MARCHF1: variants seen among roughly 807,000 people sequenced by gnomAD.
MARCHF1 encodes E3 ubiquitin-protein ligase MARCHF1.
A neutral mutation model predicts 54.2 loss-of-function variants in MARCHF1; 40 were observed. That is an observed-to-expected ratio of 0.74 (90% CI 0.57 to 0.96). MARCHF1 has a LOEUF of 0.96. Ranked by LOEUF, MARCHF1 falls within the 40% of genes least tolerant of loss-of-function variation. MARCHF1 has a pLI of 0.00. For missense variants in MARCHF1, 586 were observed against 656.5 expected, an observed-to-expected ratio of 0.89 and a Z score of 1.17; for synonymous variants, 236 against 236.3, an observed-to-expected ratio of 1.00 and a Z score of 0.01.
chr4:163,995,801 T>C (rs1027217673), intron 2 of MARCHF1, among the ~76,000 whole-genome samples: 2 of 152,054 alleles, frequency 1.3e-5, no homozygotes, highest in African/African-American at 2.4e-5. Context: ...TGAAGGCTAG[T>C]AGATGGCAGA....
At chr4:163,582,841 T>A (rs1346905004) in intron 8 of MARCHF1, among the ~76,000 whole-genome samples, 1 of 152,092 alleles carries the variant, frequency 6.6e-6, no homozygotes, top group Non-Finnish European at 1.5e-5. Flanking sequence ...ATGCCTCATA[T>A]CTGTATAGTT....
intron 7 of MARCHF1, among the ~76,000 whole-genome samples, chr4:163,609,689 T>TA (rs1741267625): frequency 6.8e-6 from 1 of 146,066 alleles, no homozygotes. Context: ...TATATATATA[T>TA]TTTTTTGCCC....
At chr4:163,618,569 T>G (rs1189808051) in intron 5 of MARCHF1, among the ~76,000 whole-genome samples, 1 of 152,156 alleles carries the variant, frequency 6.6e-6, no homozygotes, top group African/African-American at 2.4e-5. Context: ...CTTTATGGGA[T>G]CACTTCCTAG....
chr4:164,115,375 G>A (rs1755918968), intron 1 of MARCHF1, among the ~76,000 whole-genome samples: 1 of 152,010 alleles, frequency 6.6e-6, no homozygotes, highest in Admixed American at 6.6e-5. Context: ...TGAAGATATG[G>A]CATGTTGTTG....
chr4:164,007,064 C>T (rs374679071), intron 2 of MARCHF1, among the ~76,000 whole-genome samples: 9 of 132,038 alleles, frequency 6.8e-5, no homozygotes, highest in African/African-American at 2.0e-4. Context: ...TTTGGCAGGG[C>T]GTGGTGGCTC....
At chr4:163,568,280 A>G (rs1739716952) in intron 8 of MARCHF1, among the ~76,000 whole-genome samples, 2 of 152,126 alleles carry the variant, frequency 1.3e-5, no homozygotes, top group Admixed American at 6.6e-5. Flanking sequence ...CTTTCAAGGG[A>G]TCCATGCAGT....
chr4:163,992,141 G>A (rs540757527), intron 2 of MARCHF1, among the ~76,000 whole-genome samples: 1 of 149,896 alleles, frequency 6.7e-6, no homozygotes, highest in Non-Finnish European at 1.5e-5. Flanking sequence ...GAAACCCAGT[G>A]TTGGGCCAAG....
At chr4:163,997,453 G>C (rs1753099237) in intron 2 of MARCHF1, among the ~76,000 whole-genome samples, 1 of 151,892 alleles carries the variant, frequency 6.6e-6, no homozygotes, top group Non-Finnish European at 1.5e-5. Flanking sequence ...AAATAAACAA[G>C]GGCTACTCTC....
intron 2 of MARCHF1, among the ~76,000 whole-genome samples, chr4:164,089,309 A>T (rs1364368231): frequency 2.0e-5 from 3 of 152,240 alleles, no homozygotes; most frequent in African/African-American, 7.2e-5. Flanking sequence ...TATAAATTGG[A>T]TTTGTCTTCA....
At chr4:164,364,228 C>T (rs1730810740) in intron 1 of MARCHF1, among the ~76,000 whole-genome samples, 1 of 151,922 alleles carries the variant, frequency 6.6e-6, no homozygotes, top group Admixed American at 6.6e-5. Flanking sequence ...TGCATTAGAC[C>T]ATTTCATTTG....
At chr4:163,850,374 C>T (rs1393646738) in intron 4 of MARCHF1, among the ~76,000 whole-genome samples, 1 of 152,186 alleles carries the variant, frequency 6.6e-6, no homozygotes, top group South Asian at 2.1e-4. Context: ...ACAATTCCAG[C>T]CTCCTCCCTC....
At chr4:163,712,785 T>C (rs943617293) in intron 4 of MARCHF1, among the ~76,000 whole-genome samples, 3 of 152,216 alleles carry the variant, frequency 2.0e-5, no homozygotes, top group African/African-American at 4.8e-5. Flanking sequence ...ACTGCCTGTG[T>C]TTCAGGTTTT....
In MARCHF1 at chr4:164,378,902, G is replaced by A. The variant is rs552600777; in HGVS notation, c.-323+4968C>T. Among the ~76,000 whole-genome samples, 10 of 151,950 alleles carry A rather than the reference G, an allele frequency of 6.6e-5. No homozygotes were observed. The South Asian group carries it at 1.0e-3, about 16-fold the overall frequency. On this transcript the variant is annotated intron_variant, in intron 1 of 9. Coordinates refer to ENST00000514618, the MANE Select transcript of MARCHF1 (RefSeq NM_001394959.1). ...AATTTTTTGTATTTTTAGTAGAGATGGGGTTTCACCATGTTGGCCAGGCTG... is the reference window on the plus strand; with the variant it reads ...AATTTTTTGTATTTTTAGTAGAGATAGGGTTTCACCATGTTGGCCAGGCTG...
intron 3 of MARCHF1, among the ~76,000 whole-genome samples, chr4:163,872,931 C>T (rs1204459584): frequency 6.6e-6 from 1 of 152,016 alleles, no homozygotes; most frequent in Non-Finnish European, 1.5e-5. Context: ...GTAGTCCCAG[C>T]TACTCGGGAG....
At chr4:163,906,207 A>G (rs1322365480) in intron 3 of MARCHF1, among the ~76,000 whole-genome samples, 2 of 151,988 alleles carry the variant, frequency 1.3e-5, no homozygotes, top group East Asian at 1.9e-4. Context: ...TTTCTTGTTG[A>G]TTACTGGCTT....
chr4:164,342,158 A>AT (rs990356393), intron 1 of MARCHF1, among the ~76,000 whole-genome samples: 1 of 152,200 alleles, frequency 6.6e-6, no homozygotes, highest in Non-Finnish European at 1.5e-5. Flanking sequence ...GAGAATAAAC[A>AT]TTTTCCCAAA....
chr4:164,380,970 G>A (rs7655120), intron 1 of MARCHF1, among the ~76,000 whole-genome samples: 81,452 of 151,586 alleles, frequency 0.54, 22,413 homozygotes, highest in East Asian at 0.65. Flanking sequence ...AGGACGTTTC[G>A]CTCTATCATA....
At chr4:163,690,726 C>T (rs1356745052) in intron 5 of MARCHF1, among the ~76,000 whole-genome samples, 1 of 152,160 alleles carries the variant, frequency 6.6e-6, no homozygotes, top group Non-Finnish European at 1.5e-5. Context: ...TGCCAGAATA[C>T]AACAGGAAGC....
chr4:163,872,032 A>G (rs998091029), intron 3 of MARCHF1, among the ~76,000 whole-genome samples: 14 of 152,260 alleles, frequency 9.2e-5, no homozygotes, highest in African/African-American at 3.1e-4. Flanking sequence ...AGAGAAAAAA[A>G]TTAAAACTAC....
Sources: gnomAD v4.1 joint callset for allele counts (sites outside exome capture counted in the v4.1 genomes callset) on GRCh38, gnomAD v4.1.1 for gene constraint, MANE v1.5 for transcripts, NCBI Gene and HGNC (gene_info 2026-07-23, HGNC 2026-07-21) for gene names.